The following PCDHA3 variants were observed in gnomAD, a reference collection of about 807,000 sequenced individuals.
The protein encoded by PCDHA3 is protocadherin alpha 3.
PCDHA3 carries 41 observed loss-of-function variants against 62.2 expected under a neutral mutation model. That is an observed-to-expected ratio of 0.66 (90% confidence interval 0.51 to 0.86). The LOEUF (loss-of-function observed/expected upper bound fraction) is 0.86, where lower values mean the gene tolerates loss of function less well. PCDHA3 is among the 40% of genes least tolerant of loss of function. The pLI, the probability that PCDHA3 is intolerant of heterozygous loss-of-function variation, is 0.00. For synonymous variants in PCDHA3, 640 were observed against 555.4 expected (o/e 1.15, Z -2.14); for missense variants, 1,304 against 1,241.2 (o/e 1.05, Z -0.76).
At chr5:140,901,199 A>T (rs1554189641) in intron 1 of PCDHA3, among the ~76,000 whole-genome samples, 4 of 152,106 alleles carry the variant, frequency 2.6e-5, no homozygotes, top group Non-Finnish European at 5.9e-5. Context: ...TTCTGTGCAG[A>T]AGGTTTTTAA....
At chr5:140,884,194 G>C in intron 1 of PCDHA3, 1 of 1,613,402 alleles carries the variant, frequency 6.2e-7, no homozygotes, top group Non-Finnish European at 8.5e-7. Flanking sequence ...AGGTGGACGC[G>C]CCGCACCACC....
chr5:140,822,798 T>A (rs2150119412), intron 1 of PCDHA3: 1 of 1,614,188 alleles, frequency 6.2e-7, no homozygotes, highest in South Asian at 1.1e-5. Context: ...AACTCCTGGA[T>A]GTGAATGATA....
At chr5:140,828,728 A>G in intron 1 of PCDHA3, 2 of 1,614,238 alleles carry the variant, frequency 1.2e-6, no homozygotes, top group East Asian at 2.2e-5. Context: ...CTTATTCCTG[A>G]CAGCCACAGA....
chr5:140,827,864 T>TG (rs1362091793), intron 1 of PCDHA3: 5 of 608,420 alleles, frequency 8.2e-6, no homozygotes, highest in Non-Finnish European at 1.4e-5. Flanking sequence ...ATATATGGTA[T>TG]AGCACTGTTA....
chr5:140,875,410 A>G (rs1459624657), intron 1 of PCDHA3: 3 of 1,502,000 alleles, frequency 2.0e-6, no homozygotes, highest in African/African-American at 1.4e-5. Flanking sequence ...TGCTCATAAA[A>G]TACCTCAGGC....
At chr5:140,847,164 T>C (rs1780885642) in intron 1 of PCDHA3, among the ~76,000 whole-genome samples, 1 of 149,534 alleles carries the variant, frequency 6.7e-6, no homozygotes, top group Non-Finnish European at 1.5e-5. Flanking sequence ...TTCTGAGTAA[T>C]AAACTAAAGG....
intron 1 of PCDHA3, chr5:140,966,628 C>G (rs944715570): frequency 7.9e-5 from 76 of 964,108 alleles, no homozygotes; most frequent in Non-Finnish European, 1.0e-4. Flanking sequence ...GGGAGCGGCC[C>G]CAGGCGCTTT....
Position 140,855,317 on chromosome 5 carries a change from G to A in PCDHA3, c.2394+51726G>A, listed in dbSNP as rs568738789. Among the ~76,000 whole-genome samples, 68 of 149,944 alleles carry A rather than the reference G, an allele frequency of 4.5e-4. 6 individuals are homozygous for A. Among genetic ancestry groups the A allele is most frequent in the African/African-American group, 1.6e-3 (65 of 40,966 alleles). The stretch of plus-strand genomic sequence containing the variant: ...CCAAAGTTATAAAATTGGAACATGA[G>A]GGAGGGAGAGGTTAAACGATTTTCC... On this transcript the variant is annotated intron_variant, in intron 1 of 3. Transcript: ENST00000522353.
intron 1 of PCDHA3, chr5:140,825,365 TAAATATCTA>T (rs1226822956): frequency 1.4e-5 from 2 of 147,138 alleles, no homozygotes; most frequent in African/African-American, 5.0e-5. Context: ...ATTAGATATA[TAAATATCTA>T]AAATATCTAA....
At chr5:140,898,624 A>G (rs1374108541) in intron 1 of PCDHA3, among the ~76,000 whole-genome samples, 13 of 152,248 alleles carry the variant, frequency 8.5e-5, no homozygotes, top group African/African-American at 2.6e-4. Flanking sequence ...CAGGTAGCAT[A>G]ATGCCTCCAG....
intron 1 of PCDHA3, chr5:140,829,831 G>A (rs2150175652): frequency 6.2e-7 from 1 of 1,613,918 alleles, no homozygotes; most frequent in Non-Finnish European, 8.5e-7. Context: ...TGAGCGAGCT[G>A]GTGCCGCGGT....
intron 1 of PCDHA3, chr5:140,969,386 C>G (rs782109093): frequency 6.3e-7 from 1 of 1,596,966 alleles, no homozygotes; most frequent in South Asian, 1.1e-5. Flanking sequence ...TACACATCCC[C>G]CAATATCCTG....
chr5:141,003,856 ATG>A (rs1554259354), intron 3 of PCDHA3, among the ~76,000 whole-genome samples: 1 of 152,144 alleles, frequency 6.6e-6, no homozygotes, highest in Non-Finnish European at 1.5e-5. Flanking sequence ...CCAGATTTAT[ATG>A]TGTCTGAAAT....
At position 140,822,568 on chromosome 5, in the gene PCDHA3, G is replaced by A. The variant is rs2150117347; in HGVS notation, c.2394+18977G>A. ...TGGGACATTAGTTATTAAACTGAAC[G>A]CCTCAGATGCAGATGAGGGCATCAA... On this transcript the variant is annotated intron_variant, in intron 1 of 3. Coordinates refer to ENST00000522353, the MANE Select transcript of PCDHA3 (RefSeq NM_018906.3). The A allele has an allele frequency of 1.2e-6, 2 of 1,612,652 alleles. No individual in the cohort carries two copies.
At chr5:140,836,234 T>C (rs1774307282) in intron 1 of PCDHA3, 1 of 1,613,668 alleles carries the variant, frequency 6.2e-7, no homozygotes, top group Admixed American at 1.7e-5. Flanking sequence ...TGGCGGCCGG[T>C]GCGAGCATCC....
Position 140,987,904 on chromosome 5 carries a change from G to T in PCDHA3, c.2542+5341G>T, listed in dbSNP as rs115515462. 1.9e-3 allele frequency among the ~76,000 whole-genome samples: 290 copies of T among 151,852 alleles called. 1 individual carries two copies. The highest frequency in any genetic ancestry group is 7.0e-3 in the African/African-American group (288 of 41,412). On this transcript the variant is annotated intron_variant, in intron 3 of 3. Transcript: ENST00000522353. ...GTTTATGTGCCCTAGTTTTATATGG[G>T]GATTTATATTCTTAATTGTCTCAAG...
rs1489456152 is a variant in PCDHA3 at position 140,857,912 on chromosome 5, C to T, written c.2394+54321C>T. On this transcript the variant is annotated intron_variant, in intron 1 of 3. Transcript: ENST00000522353. ...GGCGGTTGGTGCACGCATCCCGTTT[C>T]GCGTGGGGCTGTACACGGGCGAGAT... is the stretch of plus-strand genomic sequence containing the variant. 3.1e-6 allele frequency: 5 copies of T among 1,597,650 alleles called. 1 individual carries two copies. In the Admixed American group the frequency reaches 6.7e-5, roughly 22 times the overall value.
chr5:140,866,180 T>C (rs2049194377), intron 1 of PCDHA3: 1 of 152,136 alleles, frequency 6.6e-6, no homozygotes, highest in African/African-American at 2.4e-5. Context: ...GTAAGAAAAG[T>C]CAGAAAACTG....
In PCDHA3 at chr5:140,807,889, T is replaced by A. The variant is rs782700290; in HGVS notation, c.2394+4298T>A. The A allele has an allele frequency of 6.8e-6, 11 of 1,613,918 alleles. No individual in the cohort carries two copies. Among genetic ancestry groups the A allele is most frequent in the Non-Finnish European group, 9.3e-6 (11 of 1,179,900 alleles). ...TTCAGTTACTCATCACAGTACTGGA[T>A]GCCAATGACAATGCCCCAGCTTTTG... On this transcript the variant is annotated intron_variant, in intron 1 of 3. Transcript: ENST00000522353.
Sources: gnomAD v4.1 joint callset for allele counts (sites outside exome capture counted in the v4.1 genomes callset) on GRCh38, gnomAD v4.1.1 for gene constraint, MANE v1.5 for transcripts, NCBI Gene and HGNC (gene_info 2026-07-23, HGNC 2026-07-21) for gene names.